SHQ1: variants seen among roughly 807,000 people sequenced by gnomAD.
SHQ1 encodes the protein SHQ1, H/ACA ribonucleoprotein assembly factor, also known as protein SHQ1 homolog.
In SHQ1, 49 loss-of-function variants were observed where a neutral mutation model predicts 53.8. The observed-to-expected ratio is 0.91, with a 90% CI of 0.72 to 1.16. SHQ1 has a LOEUF of 1.16. SHQ1 is among the 50% of genes most tolerant of loss of function. SHQ1 has a pLI of 0.00. For missense variants in SHQ1, 738 were observed against 683.1 expected, an observed-to-expected ratio of 1.08 and a Z score of -0.90; for synonymous variants, 243 against 251.0, an observed-to-expected ratio of 0.97 and a Z score of 0.30.
intron 4 of SHQ1, among the ~76,000 whole-genome samples, chr3:72,840,251 A>G (rs947338800): frequency 7.9e-4 from 114 of 144,830 alleles, no homozygotes; most frequent in Admixed American, 1.3e-3. Context: ...TTAAAAAAAA[A>G]AAAAAAAAAA....
intron 10 of SHQ1, among the ~76,000 whole-genome samples, chr3:72,781,074 T>C (rs1176144901): frequency 6.6e-6 from 1 of 150,950 alleles, no homozygotes; most frequent in East Asian, 1.9e-4. Context: ...TCTTTTTTTT[T>C]TTTTTGAGAC....
chr3:72,751,509 T>TGTAC (rs1553688167), intron 10 of SHQ1, among the ~76,000 whole-genome samples: 1 of 87,636 alleles, frequency 1.1e-5, no homozygotes, highest in Non-Finnish European at 2.1e-5. Context: ...TGTGTGTGTG[T>TGTAC]ATATATATAT....
intron 1 of SHQ1, among the ~76,000 whole-genome samples, chr3:72,847,298 T>C (rs1180375315): frequency 6.6e-6 from 1 of 152,160 alleles, no homozygotes; most frequent in African/African-American, 2.4e-5. Flanking sequence ...ACCACAAAAG[T>C]ACTTGGGTGG....
At chr3:72,748,004 C>T (rs1230272153), downstream of SHQ1, among the ~76,000 whole-genome samples, 1 of 150,914 alleles carries the variant, frequency 6.6e-6, no homozygotes, top group Non-Finnish European at 1.5e-5. Flanking sequence ...AAAAAAAACA[C>T]ACACTCACAT....
At chr3:72,782,237 A>C (rs1372783683) in intron 10 of SHQ1, among the ~76,000 whole-genome samples, 1 of 152,236 alleles carries the variant, frequency 6.6e-6, no homozygotes, top group Non-Finnish European at 1.5e-5. Context: ...AAATTGGATC[A>C]GAAATTTGCT....
At chr3:72,749,099 T>G (rs1170638306), downstream of SHQ1, among the ~76,000 whole-genome samples, 1 of 152,202 alleles carries the variant, frequency 6.6e-6, no homozygotes, top group African/African-American at 2.4e-5. Flanking sequence ...AACCATCATG[T>G]GGAAGACTGG....
At chr3:72,830,935 G>T (rs183495519) in intron 5 of SHQ1, among the ~76,000 whole-genome samples, 2 of 152,124 alleles carry the variant, frequency 1.3e-5, no homozygotes, top group African/African-American at 4.8e-5. Flanking sequence ...AGAGGAGATA[G>T]GCAGTTCTTC....
At chr3:72,781,858 C>T (rs1484108119) in intron 10 of SHQ1, among the ~76,000 whole-genome samples, 1 of 152,070 alleles carries the variant, frequency 6.6e-6, no homozygotes, top group African/African-American at 2.4e-5. Flanking sequence ...ATTTATGAAG[C>T]TTAATTTCAT....
At chr3:72,794,664 T>C (rs1289834174) in intron 9 of SHQ1, 1 of 152,276 alleles carries the variant, frequency 6.6e-6, no homozygotes, top group African/African-American at 2.4e-5. Flanking sequence ...CATTTTTTAA[T>C]GCACTGCTTT....
At position 72,749,798 on chromosome 3, in the gene SHQ1, G is replaced by A. The variant is rs772265236; in HGVS notation, c.*486C>T. Reference sequence around the variant, plus strand: ...ACTTTTGAACTTTATCTTCACAGTCGCGGCAAGGAAAACAAAAGGTATAAA... The same window carrying A: ...ACTTTTGAACTTTATCTTCACAGTCACGGCAAGGAAAACAAAAGGTATAAA... On this transcript the variant is annotated 3_prime_UTR_variant, in exon 11 of 11. Transcript: ENST00000325599. 6 of 221,360 alleles carry A rather than the reference G, an allele frequency of 2.7e-5. No homozygotes were observed. Among genetic ancestry groups the A allele is most frequent in the Admixed American group, 5.8e-5 (1 of 17,350 alleles). 13.7% of individuals were successfully genotyped at this position (221,360 alleles called of 1,614,324 possible).
At position 72,831,508 on chromosome 3, in the gene SHQ1, C is replaced by T. The variant is rs149496556; in HGVS notation, c.599+861G>A. Among the ~76,000 whole-genome samples the T allele has an allele frequency of 1.9e-3, 294 of 152,310 alleles. 2 individuals carry two copies. Among genetic ancestry groups the T allele is most frequent in the African/African-American group, 6.6e-3 (276 of 41,562 alleles). On this transcript the variant is annotated intron_variant, in intron 5 of 10. Transcript: ENST00000325599. ...AAAACTGAATAATCACATGAGTGCA[C>T]TTTATAAGCTGCAGGTACTATACCA...
rs529476695 is a variant in SHQ1, at chr3:72,842,304, C to T, written c.307G>A (p.Ala103Thr). 1.1e-5 allele frequency: 17 copies of T among 1,613,650 alleles called. No individual in the cohort carries two copies. Among genetic ancestry groups the T allele is most frequent in the African/African-American group, 2.7e-5 (2 of 75,016 alleles). ...ALLAPRKSRT[A>T]KPLVEEIGAS... Reference sequence around the variant, plus strand: ...CCTATTTCTTCCACAAGTGGTTTTGCTGTCCTGGATTTTCTTGGTGCCAGA... The same window carrying T: ...CCTATTTCTTCCACAAGTGGTTTTGTTGTCCTGGATTTTCTTGGTGCCAGA... Residue 103 changes from alanine (A) to threonine (T), a missense_variant, in exon 3 of 11, where the codon GCA (alanine) becomes ACA (threonine). By Grantham distance (58) the Ala-to-Thr change is moderately conservative. Transcript: ENST00000325599.
At chr3:72,746,170 C>A (rs1021780160), downstream of SHQ1, among the ~76,000 whole-genome samples, 1 of 152,082 alleles carries the variant, frequency 6.6e-6, no homozygotes, top group African/African-American at 2.4e-5. Context: ...GGAAAGGTGT[C>A]GTTTGGAGTC....
intron 10 of SHQ1, among the ~76,000 whole-genome samples, chr3:72,791,035 T>G (rs1489652532): frequency 6.6e-6 from 1 of 152,174 alleles, no homozygotes; most frequent in Non-Finnish European, 1.5e-5. Flanking sequence ...CTACATCTAC[T>G]TGGCAGCCTA....
At chr3:72,829,728 T>C (rs1035629868) in intron 5 of SHQ1, among the ~76,000 whole-genome samples, 6 of 152,236 alleles carry the variant, frequency 3.9e-5, no homozygotes, top group Non-Finnish European at 7.3e-5. Flanking sequence ...CAATTTAAAA[T>C]GGTACAACAA....
chr3:72,731,610 C>G, the SHQ1 span, among the ~76,000 whole-genome samples: 1 of 151,162 alleles, frequency 6.6e-6, no homozygotes, highest in African/African-American at 2.4e-5. Context: ...ATTGCTTGAA[C>G]CCAGGAGGCA....
chr3:72,753,149 G>A, intron 10 of SHQ1: 2 of 985,434 alleles, frequency 2.0e-6, no homozygotes, highest in Non-Finnish European at 2.4e-6. Context: ...TGTGACAACT[G>A]AAGAAAGGTG....
chr3:72,726,381 A>G, the SHQ1 span, among the ~76,000 whole-genome samples: 6 of 151,866 alleles, frequency 4.0e-5, no homozygotes, highest in East Asian at 9.7e-4. Context: ...GACAGAGACC[A>G]GCTCTGTCGC....
chr3:72,848,050 G>A (rs1708404934), intron 1 of SHQ1, 148 bp downstream of exon 1: 2 of 931,872 alleles, frequency 2.1e-6, no homozygotes, highest in Non-Finnish European at 3.4e-6. Context: ...CCTGGAAGAG[G>A]GCAGTTCCCT....
Sources: gnomAD v4.1 joint callset for allele counts (sites outside exome capture counted in the v4.1 genomes callset) on GRCh38, gnomAD v4.1.1 for gene constraint, MANE v1.5 for transcripts, NCBI Gene and HGNC (gene_info 2026-07-23, HGNC 2026-07-21) for gene names.